Variants in DDX47 observed in about 807,000 individuals in gnomAD.
DDX47 encodes the protein probable ATP-dependent RNA helicase DDX47.
Under a neutral mutation model 58.8 loss-of-function variants are expected in DDX47, and 60 were observed. The observed-to-expected ratio is 1.02, with a 90% CI of 0.83 to 1.26. The LOEUF (loss-of-function observed/expected upper bound fraction) is 1.26. DDX47 is among the 50% of genes most tolerant of loss of function. The pLI is 0.00. For synonymous variants in DDX47, 197 were observed against 204.6 expected, an observed-to-expected ratio of 0.96 and a Z score of 0.32; for missense variants, 530 against 573.2, an observed-to-expected ratio of 0.92 and a Z score of 0.77.
At chr12:12,824,201 C>T (rs1413677765) in intron 8 of DDX47, 185 bp downstream of exon 8, 41 of 717,086 alleles carry the variant, frequency 5.7e-5, no homozygotes, top group Non-Finnish European at 8.0e-5. Context: ...CGAGAGGCTC[C>T]CATTAGAATA....
chr12:12,827,382 A>G lies in DDX47; in HGVS notation c.1236+7A>G, dbSNP rs758246613. 6.2e-6 allele frequency: 10 copies of G among 1,613,816 alleles called. No individual in the cohort carries two copies. In the South Asian group the frequency reaches 7.7e-5, roughly 12 times the overall value. On this transcript the variant is annotated splice_region_variant and intron_variant, in intron 11 of 11. Coordinates refer to ENST00000358007, the MANE Select transcript of DDX47 (RefSeq NM_016355.4). ...CCAAAGGTTTGCCCGAATGGTATGCATCTTTCTTTTCTCACCAGTGTCTGT... is the reference window on the plus strand; with the variant it reads ...CCAAAGGTTTGCCCGAATGGTATGCGTCTTTCTTTTCTCACCAGTGTCTGT...
At chr12:12,827,160 T>C in intron 10 of DDX47, 86 bp from the exon 11 acceptor site, 2 of 1,477,130 alleles carry the variant, frequency 1.4e-6, no homozygotes, top group South Asian at 1.3e-5. Context: ...TGGTTCCTAT[T>C]GCGTTGTATC....
At chr12:12,819,601 A>G (rs1278709181) in intron 2 of DDX47, among the ~76,000 whole-genome samples, 3 of 152,124 alleles carry the variant, frequency 2.0e-5, no homozygotes, top group African/African-American at 7.2e-5. Flanking sequence ...ATTATGCCCA[A>G]CTGGTTTTTA....
chr12:12,821,603 G>A, intron 3 of DDX47, 52 bp from the exon 4 acceptor site: 1 of 1,560,366 alleles, frequency 6.4e-7, no homozygotes, highest in Non-Finnish European at 8.8e-7. Flanking sequence ...ATGTTCAGTG[G>A]ACTGTGGAAA....
Position 12,821,329 on chromosome 12 carries a change from T to C in DDX47, c.303T>C (p.Thr101=), listed in dbSNP as rs766904298. The change falls in exon 3 of 12, where the codon ACT becomes ACC. Residue 101 remains threonine, a synonymous_variant. Transcript: ENST00000358007. The part of the protein sequence containing the change: ...QRLFALVLTP[T]RELAFQISEQ... ...TGTTTGCCCTAGTTCTTACCCCGAC[T>C]CGGGAGCTGGCCTTTCAGATCTCAG... The C allele has an allele frequency of 1.9e-6, 3 of 1,614,186 alleles. No individual in the cohort carries two copies. Among genetic ancestry groups the C allele is most frequent in the Non-Finnish European group, 2.5e-6 (3 of 1,180,036 alleles).
intron 2 of DDX47, among the ~76,000 whole-genome samples, chr12:12,816,555 C>T (rs1862900562): frequency 6.6e-6 from 1 of 152,064 alleles, no homozygotes; most frequent in African/African-American, 2.4e-5. Context: ...GATTGAGAGG[C>T]CAGAGCTGGA....
chr12:12,814,086 G>C (rs757504821), intron 1 of DDX47, 45 bp from the exon 2 acceptor site: 4 of 1,182,960 alleles, frequency 3.4e-6, no homozygotes, highest in Admixed American at 1.7e-5. Context: ...GAGGGAGGTA[G>C]GGGTGTGCTG....
chr12:12,818,362 A>G (rs962655143), intron 2 of DDX47, among the ~76,000 whole-genome samples: 2 of 152,182 alleles, frequency 1.3e-5, no homozygotes, highest in East Asian at 1.9e-4. Context: ...TCTACTAAAA[A>G]TACAAAAAAT....
chr12:12,827,685 A>G (rs1168616291), intron 11 of DDX47, among the ~76,000 whole-genome samples: 4 of 152,056 alleles, frequency 2.6e-5, no homozygotes, highest in Non-Finnish European at 5.9e-5. Flanking sequence ...AGCTTGGGAA[A>G]TTTGCCTGAT....
At chr12:12,820,311 T>C (rs936481816) in intron 2 of DDX47, 3 of 152,244 alleles carry the variant, frequency 2.0e-5, no homozygotes, top group African/African-American at 7.2e-5. Flanking sequence ...GGCTCCTCCT[T>C]ATGCCATCAG....
At chr12:12,814,003 G>T (rs766777877) in intron 1 of DDX47, 128 bp from the exon 2 acceptor site, 3 of 710,290 alleles carry the variant, frequency 4.2e-6, no homozygotes, top group Non-Finnish European at 7.8e-6. Flanking sequence ...AGTAGGCTCT[G>T]AGATGCACAG....
intron 2 of DDX47, among the ~76,000 whole-genome samples, chr12:12,818,047 C>T (rs1862923022): frequency 6.6e-6 from 1 of 152,176 alleles, no homozygotes; most frequent in African/African-American, 2.4e-5. Context: ...ACGGCAGTAT[C>T]CCCAAGGAGT....
intron 2 of DDX47, among the ~76,000 whole-genome samples, chr12:12,816,137 A>G (rs913302322): frequency 6.6e-6 from 1 of 152,166 alleles, no homozygotes; most frequent in Admixed American, 6.5e-5. Context: ...GAACGGGGGA[A>G]AAATGCAGGA....
intron 9 of DDX47, 178 bp downstream of exon 9, chr12:12,824,855 T>C: frequency 3.6e-6 from 2 of 557,750 alleles, no homozygotes; most frequent in South Asian, 6.0e-5. Flanking sequence ...TATGTAACAT[T>C]AGTACATATG....
At position 12,829,540 on chromosome 12, in the gene DDX47, C is replaced by T. The variant is rs775095603; in HGVS notation, c.1354C>T (p.Arg452Trp). The T allele has an allele frequency of 6.2e-6, 10 of 1,613,186 alleles. No individual in the cohort carries two copies. The highest frequency in any genetic ancestry group is 2.2e-5 in the East Asian group (1 of 44,848). Residue 452 changes from arginine (R) to tryptophan (W), a missense_variant, in exon 12 of 12, where the codon CGG becomes TGG. Physicochemically the swap from Arg to Trp is moderately radical, Grantham distance 101. Transcript: ENST00000358007. ...GGTGGCTGGAGGAAAAATGAAGAAGCGGAAAGGCCGTTAATCACTTTTATG... is the reference window on the plus strand; with the variant it reads ...GGTGGCTGGAGGAAAAATGAAGAAGTGGAAAGGCCGTTAATCACTTTTATG... ...NKVAGGKMKK[R>W]KGR
intron 7 of DDX47, 51 bp from the exon 8 acceptor site, chr12:12,823,819 A>G (rs762310632): frequency 1.1e-5 from 18 of 1,580,652 alleles, no homozygotes; most frequent in Middle Eastern, 1.7e-4. Context: ...CAGGTCTCCA[A>G]TCCTGTCTCC....
chr12:12,815,960 A>G (rs572159087), intron 2 of DDX47, among the ~76,000 whole-genome samples: 19 of 152,208 alleles, frequency 1.2e-4, no homozygotes, highest in Non-Finnish European at 2.2e-4. Flanking sequence ...TTTGCAATCA[A>G]TAATGGGTAG....
At chr12:12,816,447 C>T (rs4763301) in intron 2 of DDX47, among the ~76,000 whole-genome samples, 32,765 of 152,052 alleles carry the variant, frequency 0.22, 3,958 homozygotes, top group Middle Eastern at 0.31. Flanking sequence ...CTAAACTTTG[C>T]ATTGTATACC....
intron 7 of DDX47, 80 bp from the exon 8 acceptor site, chr12:12,823,790 C>A: frequency 1.4e-6 from 2 of 1,413,746 alleles, no homozygotes; most frequent in South Asian, 2.6e-5. Flanking sequence ...TAGGCTTAGT[C>A]TTTACCTTAT....
Sources: gnomAD v4.1 joint callset for allele counts (sites outside exome capture counted in the v4.1 genomes callset) on GRCh38, gnomAD v4.1.1 for gene constraint, MANE v1.5 for transcripts, NCBI Gene and HGNC (gene_info 2026-07-23, HGNC 2026-07-21) for gene names.